TRIML2: variants seen among roughly 807,000 people sequenced by gnomAD.
TRIML2 encodes the protein probable E3 ubiquitin-protein ligase TRIML2.
TRIML2 carries 28 observed loss-of-function variants against 31.2 expected under a neutral mutation model. The observed-to-expected ratio is 0.90, with a 90% confidence interval of 0.66 to 1.23. The LOEUF is 1.23. TRIML2 is among the 50% of genes most tolerant of loss of function. TRIML2 has a pLI of 0.00. For missense variants in TRIML2, 536 were observed against 528.3 expected (o/e 1.01, Z -0.14); for synonymous variants, 187 against 197.5 (o/e 0.95, Z 0.45).
rs759820216 is a variant in TRIML2 at position 188,091,405 on chromosome 4, C to T, written c.1282G>A (p.Gly428Ser). 2 of 1,613,910 alleles carry T rather than the reference C, an allele frequency of 1.2e-6. No individual in the cohort carries two copies. Among genetic ancestry groups the T allele is most frequent in the African/African-American group, 1.3e-5 (1 of 74,904 alleles). ...CTAACAGTAGCATCACAAGAAGGAC[C>T]ATGTTGTAAGATGGTGAGGGAGTCT... ...SPDSLTILQHGPSCDATVSP is the reference protein window; with the variant it reads ...SPDSLTILQHSPSCDATVSP Residue 428 changes from glycine (G) to serine (S), a missense_variant, in exon 8 of 8, where the codon GGT (glycine) becomes AGT (serine). Coordinates refer to ENST00000682553, the MANE Select transcript of TRIML2 (RefSeq NM_173553.4).
chr4:188,103,322 A>T (rs1733887536), intron 3 of TRIML2, among the ~76,000 whole-genome samples: 1 of 152,012 alleles, frequency 6.6e-6, no homozygotes, highest in African/African-American at 2.4e-5. Flanking sequence ...CTTAATGTCT[A>T]TTTTCATTTG....
intron 3 of TRIML2, among the ~76,000 whole-genome samples, chr4:188,103,177 T>C (rs1046908439): frequency 6.6e-6 from 1 of 151,850 alleles, no homozygotes; most frequent in African/African-American, 2.4e-5. Flanking sequence ...CACACCCGAT[T>C]TTTTAGTAGA....
rs369872122 is a variant in TRIML2 at position 188,101,038 on chromosome 4, T to C, written c.480+18A>G. ...TTCTCATTTCTCAAATATGAGGATG[T>C]TGTTTTCAATATCTCACCTGTAGCA... is the stretch of plus-strand genomic sequence containing the variant. On this transcript the variant is annotated intron_variant, in intron 4 of 7. Transcript: ENST00000682553. The C allele has an allele frequency of 5.1e-6, 8 of 1,574,922 alleles. No homozygotes were observed. The African/African-American group carries it at 1.1e-4, about 21-fold the overall frequency.
In TRIML2 at chr4:188,094,215, G is replaced by A. The variant is rs534855952; in HGVS notation, c.746-2274C>T. 1.6e-3 allele frequency among the ~76,000 whole-genome samples: 236 copies of A among 152,176 alleles called. 1 individual carries two copies. The highest frequency in any genetic ancestry group is 5.4e-3 in the African/African-American group (226 of 41,510). On this transcript the variant is annotated intron_variant, in intron 7 of 7. Transcript: ENST00000682553. ...TAATGTTTTCTTTCTTCCTAAGATC[G>A]AGAATAAGCAAGTGTCCACTCTCAC...
At chr4:188,091,997 G>C in intron 7 of TRIML2, 56 bp from the exon 8 acceptor site, 3 of 1,534,638 alleles carry the variant, frequency 2.0e-6, no homozygotes, top group Non-Finnish European at 2.6e-6. Context: ...CAATGCCAGA[G>C]ACATGATTTC....
At chr4:188,108,012 T>A (rs190364000) in intron 1 of TRIML2, among the ~76,000 whole-genome samples, 59 of 152,264 alleles carry the variant, frequency 3.9e-4, no homozygotes, top group Non-Finnish European at 6.8e-4. Flanking sequence ...CTCAAATTTT[T>A]CCTTGAGCTC....
chr4:188,103,152 A>G (rs905305348), intron 3 of TRIML2, among the ~76,000 whole-genome samples: 7 of 151,580 alleles, frequency 4.6e-5, no homozygotes, highest in Non-Finnish European at 7.4e-5. Context: ...AGCTGGGACT[A>G]CAGGCACCTG....
chr4:188,105,094 T>A (rs1055249731), intron 2 of TRIML2, 86 bp downstream of exon 2: 75 of 1,489,850 alleles, frequency 5.0e-5, no homozygotes, highest in Non-Finnish European at 6.5e-5. Context: ...ACTAAGGTAA[T>A]GGTTTTGGAG....
chr4:188,107,587 A>G (rs79113139), intron 1 of TRIML2, among the ~76,000 whole-genome samples: 15,653 of 152,268 alleles, frequency 0.1, 1,735 homozygotes, highest in African/African-American at 0.28. Context: ...CAACAAATTA[A>G]AAAGATGTTA....
At position 188,091,661 on chromosome 4, in the gene TRIML2, CG is replaced by C. The variant is rs1733263388; in HGVS notation, c.1025del (p.Thr342ArgfsTer4). ...ARASGEKVLL[T>X]GSVMGTEWTL... ...TCCACTCGGTCCCCATCACCGACCC[CG>C]TGAGCAAGACTTTCTCTCCGGAAGC... is the stretch of plus-strand genomic sequence containing the variant. On this transcript the variant is annotated frameshift_variant, in exon 8 of 8. Transcript: ENST00000682553. LOFTEE classifies it low-confidence loss of function (END_TRUNC). 6.2e-7 allele frequency: 1 copy of C among 1,613,502 alleles called. No homozygotes were observed. The highest frequency in any genetic ancestry group is 8.5e-7 in the Non-Finnish European group (1 of 1,179,598).
At chr4:188,103,391 C>A (rs954246701) in intron 3 of TRIML2, among the ~76,000 whole-genome samples, 3 of 152,142 alleles carry the variant, frequency 2.0e-5, no homozygotes, top group South Asian at 2.1e-4. Flanking sequence ...CTGTTCGAAA[C>A]CTTCCAGTGG....
intron 1 of TRIML2, among the ~76,000 whole-genome samples, chr4:188,108,636 C>T (rs1734133247): frequency 6.6e-6 from 1 of 152,102 alleles, no homozygotes; most frequent in South Asian, 2.1e-4. Flanking sequence ...AGCTTTCCCC[C>T]ATCACTGTCA....
At chr4:188,108,748 T>A (rs1287318756) in intron 1 of TRIML2, among the ~76,000 whole-genome samples, 3 of 152,196 alleles carry the variant, frequency 2.0e-5, no homozygotes, top group Non-Finnish European at 4.4e-5. Flanking sequence ...TTTCTTCTCT[T>A]CAGTTCTCAG....
chr4:188,099,108 T>G lies in TRIML2; in HGVS notation c.548A>C (p.Gln183Pro), dbSNP rs770147837. The G allele has an allele frequency of 3.1e-6, 5 of 1,614,018 alleles. No individual in the cohort carries two copies. Among genetic ancestry groups the G allele is most frequent in the Non-Finnish European group, 4.2e-6 (5 of 1,179,992 alleles). ...GATGAGCTTTAGGAGGCTGCGGACCTGTTCAGAAGCCCTGGCTTCACTCTC... is the reference window on the plus strand; with the variant it reads ...GATGAGCTTTAGGAGGCTGCGGACCGGTTCAGAAGCCCTGGCTTCACTCTC... Reference protein sequence around the residue: ...LKESEARASEQVRSLLKLIVE... With the variant: ...LKESEARASEPVRSLLKLIVE... The change falls in exon 5 of 8, where the codon CAG (glutamine) becomes CCG (proline). Residue 183 changes from glutamine to proline, a missense_variant. By Grantham distance (76) the Gln-to-Pro change is moderately conservative. Transcript: ENST00000682553.
At position 188,109,423 on chromosome 4, in the gene TRIML2, C is replaced by T. The variant is rs1734152666; in HGVS notation, c.-403G>A. ...TCCTGAGTAGCTGGGATTACAGGCG[C>T]TGCACGACCACACCCGGCTAATTTT... On this transcript the variant is annotated 5_prime_UTR_variant, in exon 1 of 8. Transcript: ENST00000682553. 6.6e-6 allele frequency: 1 copy of T among 151,560 alleles called. No individual in the cohort carries two copies. Among genetic ancestry groups the T allele is most frequent in the Non-Finnish European group, 1.5e-5 (1 of 67,938 alleles). 9.4% of individuals were successfully genotyped at this position (151,560 alleles called of 1,614,324 possible). A position where few individuals can be genotyped will look rare whatever the true frequency, so the allele number is the denominator to read the frequency against.
chr4:188,097,879 T>C (rs908526791), intron 5 of TRIML2, among the ~76,000 whole-genome samples: 19 of 152,106 alleles, frequency 1.2e-4, no homozygotes, highest in African/African-American at 4.6e-4. Flanking sequence ...CCCAGCACTT[T>C]GGGAGGCCAA....
chr4:188,101,735 C>T (rs1011564098), intron 3 of TRIML2, among the ~76,000 whole-genome samples: 1 of 151,548 alleles, frequency 6.6e-6, no homozygotes, highest in African/African-American at 2.4e-5. Context: ...ATGTAAAGTA[C>T]AGAAGAAAAG....
rs777820592 is a variant in TRIML2 at position 188,091,651 on chromosome 4, T to A, written c.1036A>T (p.Met346Leu). ...ACCCAGAGAGTCCACTCGGTCCCCATCACCGACCCCGTGAGCAAGACTTTC... is the reference window on the plus strand; with the variant it reads ...ACCCAGAGAGTCCACTCGGTCCCCAACACCGACCCCGTGAGCAAGACTTTC... ...GEKVLLTGSV[M>L]GTEWTLWVFP... The change falls in exon 8 of 8, where the codon ATG (methionine) becomes TTG (leucine). Residue 346 changes from methionine (M) to leucine (L), a missense_variant. Transcript: ENST00000682553. 1.9e-6 allele frequency: 3 copies of A among 1,613,802 alleles called. No individual in the cohort carries two copies. Among genetic ancestry groups the A allele is most frequent in the Non-Finnish European group, 2.5e-6 (3 of 1,179,730 alleles).
Position 188,094,098 on chromosome 4 carries a change from AAAAAC to A in TRIML2, c.746-2162_746-2158del, listed in dbSNP as rs750971681. 4.3e-3 allele frequency among the ~76,000 whole-genome samples: 580 copies of A among 133,414 alleles called. 7 individuals carry two copies. The highest frequency in any genetic ancestry group is 0.024 in the Middle Eastern group (6 of 250). The allele number at this position is 133,414 out of a possible 152,430, so 87.5% of individuals were successfully genotyped here. ...AGAGCCAGACAGCATCTCAAAAAACAAAAACAAAAACAAAAACAAAAACAAAAACA... is the reference window on the plus strand; with the variant it reads ...AGAGCCAGACAGCATCTCAAAAAACAAAAAACAAAAACAAAAACAAAAACA... On this transcript the variant is annotated intron_variant, in intron 7 of 7. Transcript: ENST00000682553.
Sources: allele counts gnomAD v4.1 joint callset (sites outside exome capture counted in the v4.1 genomes callset), GRCh38; gene constraint gnomAD v4.1.1; transcripts MANE v1.5; gene names NCBI Gene and HGNC (gene_info 2026-07-23, HGNC 2026-07-21).